The following ADAM22 variants were observed in gnomAD, a reference collection of about 807,000 sequenced individuals.
ADAM22 encodes ADAM metallopeptidase domain 22.
In ADAM22, 65 loss-of-function variants were observed where a neutral mutation model predicts 144.6. That is an observed-to-expected ratio of 0.45 (90% CI 0.37 to 0.55). ADAM22 has a LOEUF of 0.55. Ranked by LOEUF, ADAM22 falls within the 20% of genes least tolerant of loss-of-function variation. The pLI is 0.00. For synonymous variants in ADAM22, 391 were observed against 412.6 expected, an observed-to-expected ratio of 0.95 and a Z score of 0.63; for missense variants, 974 against 1,184.9, an observed-to-expected ratio of 0.82 and a Z score of 2.61.
rs189821537 is a variant in ADAM22 at position 87,942,088 on chromosome 7, G to A, written c.246+6902G>A. ...ATTTATCATTAAGTAGCATGGATAA[G>A]CCCCAAAGGGAAAGAAGATAGATGT... is the stretch of plus-strand genomic sequence containing the variant. On this transcript the variant is annotated intron_variant, in intron 2 of 31. Transcript: ENST00000413139. Among the ~76,000 whole-genome samples, 9 of 152,202 alleles carry A rather than the reference G, an allele frequency of 5.9e-5. No homozygotes were observed. The East Asian group carries it at 1.5e-3, about 26-fold the overall frequency.
intron 22 of ADAM22, among the ~76,000 whole-genome samples, chr7:88,158,650 A>G (rs781515033): frequency 2.2e-4 from 33 of 152,224 alleles, no homozygotes; most frequent in Non-Finnish European, 4.6e-4. Flanking sequence ...CCTGGTCCTG[A>G]AATGACTTTT....
At chr7:87,982,652 C>T (rs1292296865) in intron 3 of ADAM22, among the ~76,000 whole-genome samples, 3 of 95,566 alleles carry the variant, frequency 3.1e-5, no homozygotes, top group African/African-American at 1.2e-4. Context: ...AACATTTATT[C>T]ATCAGATTCA....
chr7:88,063,341 A>C (rs1441840883), intron 3 of ADAM22, among the ~76,000 whole-genome samples: 1 of 152,206 alleles, frequency 6.6e-6, no homozygotes, highest in Non-Finnish European at 1.5e-5. Context: ...AGACGTTTGA[A>C]TACTATGGTT....
At chr7:87,955,973 C>T (rs1584583939) in intron 2 of ADAM22, among the ~76,000 whole-genome samples, 1 of 152,354 alleles carries the variant, frequency 6.6e-6, no homozygotes, top group Admixed American at 6.5e-5. Flanking sequence ...TTCCTAAGCC[C>T]ATCGGAAAAG....
chr7:88,148,891 C>T lies in ADAM22; in HGVS notation c.1486-86C>T. ...GTAGTTTAAGGTATTTCTAGCCAAA[C>T]AATTTTCATTTTGTTTTTTTTAGAT... On this transcript the variant is annotated intron_variant, in intron 17 of 31. Coordinates refer to ENST00000413139, the MANE Select transcript of ADAM22 (RefSeq NM_001324418.2). 9 of 1,065,120 alleles carry T rather than the reference C, an allele frequency of 8.4e-6. No homozygotes were observed. The South Asian group carries it at 1.2e-4, about 14-fold the overall frequency. The allele number at this position is 1,065,120 out of a possible 1,614,324, so 66.0% of individuals were successfully genotyped here. A position where few individuals can be genotyped will look rare whatever the true frequency, so the allele number is the denominator to read the frequency against.
chr7:88,035,213 A>G (rs1487406538), intron 3 of ADAM22, among the ~76,000 whole-genome samples: 10 of 152,232 alleles, frequency 6.6e-5, no homozygotes, highest in Admixed American at 5.2e-4. Flanking sequence ...CCGAAAGGTC[A>G]AGACTTGTTA....
Position 88,144,997 on chromosome 7 carries a change from A to T in ADAM22, c.1321-128A>T, listed in dbSNP as rs1383032379. The stretch of plus-strand genomic sequence containing the variant: ...GTTCTGAGCTCATGCTTTCTAGTTT[A>T]GGAAAATAAAACTATATTTTAGAAT... On this transcript the variant is annotated intron_variant, in intron 15 of 31. Coordinates refer to ENST00000413139, the MANE Select transcript of ADAM22 (RefSeq NM_001324418.2). 9.9e-6 allele frequency: 7 copies of T among 706,948 alleles called. No homozygotes were observed. In the East Asian group the frequency reaches 1.9e-4, roughly 19 times the overall value. The allele number at this position is 706,948 out of a possible 1,614,324, so 43.8% of individuals were successfully genotyped here.
intron 25 of ADAM22, among the ~76,000 whole-genome samples, chr7:88,169,212 A>T (rs199708742): frequency 6.6e-6 from 1 of 152,114 alleles, no homozygotes; most frequent in South Asian, 2.1e-4. Context: ...TACTGGCAGG[A>T]TAAGCTTTGT....
chr7:88,147,789 C>A (rs1051214740), intron 17 of ADAM22, among the ~76,000 whole-genome samples: 2 of 152,140 alleles, frequency 1.3e-5, no homozygotes, highest in African/African-American at 2.4e-5. Flanking sequence ...TAAACTACCC[C>A]AAATTTGCTC....
At chr7:88,113,699 A>ATATAT (rs1554478638) in intron 5 of ADAM22, among the ~76,000 whole-genome samples, 97 of 39,412 alleles carry the variant, frequency 2.5e-3, no homozygotes, top group African/African-American at 5.1e-3. Flanking sequence ...TAAATAAATA[A>ATATAT]ATAAATATAT....
At chr7:87,996,640 A>G (rs1242737249) in intron 3 of ADAM22, among the ~76,000 whole-genome samples, 1 of 152,228 alleles carries the variant, frequency 6.6e-6, no homozygotes, top group South Asian at 2.1e-4. Context: ...TCAGTGCAAG[A>G]GTTCATATAG....
intron 3 of ADAM22, among the ~76,000 whole-genome samples, chr7:88,037,447 A>G (rs1801783285): frequency 1.3e-5 from 2 of 152,162 alleles, no homozygotes; most frequent in Admixed American, 6.5e-5. Context: ...AGATTTACAT[A>G]TGCAAGAAAT....
chr7:88,127,289 C>A lies in ADAM22; in HGVS notation c.679-1313C>A, dbSNP rs1021587573. Among the ~76,000 whole-genome samples, 6 of 152,012 alleles carry A rather than the reference C, an allele frequency of 3.9e-5. 1 individual carries two copies. The highest frequency in any genetic ancestry group is 3.9e-4 in the Admixed American group (6 of 15,232). On this transcript the variant is annotated intron_variant, in intron 8 of 31. Transcript: ENST00000413139. ...AGCATCTAATCATTTGCTAAGTAGA[C>A]AAAACCTTGATTTCTCTTTCTGAGA... is the stretch of plus-strand genomic sequence containing the variant.
chr7:88,043,701 A>G (rs1803762396), intron 3 of ADAM22, among the ~76,000 whole-genome samples: 1 of 151,976 alleles, frequency 6.6e-6, no homozygotes, highest in Non-Finnish European at 1.5e-5. Flanking sequence ...GTGAGACTCC[A>G]TCTCTTAAAA....
intron 31 of ADAM22, 29 bp from the exon 32 acceptor site, chr7:88,196,442 G>A (rs1850692668): frequency 1.2e-6 from 2 of 1,613,544 alleles, no homozygotes; most frequent in Non-Finnish European, 1.7e-6. Flanking sequence ...CTTTCACAAT[G>A]TGCAATTTTG....
At chr7:88,062,878 G>A (rs1456558802) in intron 3 of ADAM22, among the ~76,000 whole-genome samples, 3 of 152,124 alleles carry the variant, frequency 2.0e-5, no homozygotes, top group Admixed American at 2.0e-4. Context: ...TGGGGGAATG[G>A]CCAATCAGTT....
Position 87,947,361 on chromosome 7 carries a change from A to G in ADAM22, c.246+12175A>G, listed in dbSNP as rs199506021. 3.3e-5 allele frequency among the ~76,000 whole-genome samples: 5 copies of G among 152,280 alleles called. No individual in the cohort carries two copies. In the East Asian group the frequency reaches 7.7e-4, roughly 23 times the overall value. ...CTCGTGAAAGTACCTTCTAACTTGGACAGATATTGAGTGATAAGAAGATAG... is the reference window on the plus strand; with the variant it reads ...CTCGTGAAAGTACCTTCTAACTTGGGCAGATATTGAGTGATAAGAAGATAG... On this transcript the variant is annotated intron_variant, in intron 2 of 31. Coordinates refer to ENST00000413139, the MANE Select transcript of ADAM22 (RefSeq NM_001324418.2).
chr7:88,192,109 C>T (rs1849748762), intron 30 of ADAM22, among the ~76,000 whole-genome samples: 1 of 152,138 alleles, frequency 6.6e-6, no homozygotes, highest in African/African-American at 2.4e-5. Context: ...CACTAACATT[C>T]CCAGGCTGGA....
chr7:88,110,042 C>G (rs1028062192), intron 5 of ADAM22, among the ~76,000 whole-genome samples: 6 of 152,154 alleles, frequency 3.9e-5, no homozygotes, highest in Non-Finnish European at 8.8e-5. Context: ...GGCCATGTGT[C>G]TGAGAGCATG....
Sources: allele counts gnomAD v4.1 joint callset (sites outside exome capture counted in the v4.1 genomes callset), GRCh38; gene constraint gnomAD v4.1.1; transcripts MANE v1.5; gene names NCBI Gene and HGNC (gene_info 2026-07-23, HGNC 2026-07-21).